Variants in SYNE3 observed in about 807,000 individuals in gnomAD.
SYNE3 encodes the protein spectrin repeat containing nuclear envelope family member 3.
SYNE3 carries 100 observed loss-of-function variants against 111.2 expected under a neutral mutation model. The observed-to-expected ratio is 0.90, with a 90% CI of 0.77 to 1.06. The LOEUF (loss-of-function observed/expected upper bound fraction) is 1.06, where lower values mean the gene tolerates loss of function less well. Among genes scored for constraint, SYNE3 ranks in the 50% least tolerant of loss-of-function variants. SYNE3 has a pLI of 0.00. For synonymous variants in SYNE3, 547 were observed against 533.9 expected (o/e 1.02, Z -0.34); for missense variants, 1,160 against 1,240.3 (o/e 0.94, Z 0.97).
intron 3 of SYNE3, among the ~76,000 whole-genome samples, chr14:95,467,308 C>T (rs1454401866): frequency 6.6e-6 from 1 of 152,202 alleles, no homozygotes; most frequent in African/African-American, 2.4e-5. Context: ...CACTTGATTA[C>T]TCCCATTGTC....
At chr14:95,431,417 A>T (rs1885753590) in intron 17 of SYNE3, among the ~76,000 whole-genome samples, 1 of 152,218 alleles carries the variant, frequency 6.6e-6, no homozygotes, top group Non-Finnish European at 1.5e-5. Flanking sequence ...GAGTTACAGG[A>T]GAGGCCCTAA....
Position 95,499,856 on chromosome 14 carries a change from C to CTTTTTTTTTTTTTTT in SYNE3, c.-15+16725_-15+16739dup, listed in dbSNP as rs10547044. Among the ~76,000 whole-genome samples, 82 of 90,066 alleles carry CTTTTTTTTTTTTTTT rather than the reference C, an allele frequency of 9.1e-4. 6 individuals are homozygous for CTTTTTTTTTTTTTTT. The highest frequency in any genetic ancestry group is 4.7e-3 in the East Asian group (12 of 2,554). 59.1% of individuals were successfully genotyped at this position (90,066 alleles called of 152,430 possible). A position where few individuals can be genotyped will look rare whatever the true frequency, so the allele number is the denominator to read the frequency against. ...AATCCCCTGTATCACTAACTCTTGT[C>CTTTTTTTTTTTTTTT]TTTTTTTTTTTTTTTTTTTTGAGAT... On this transcript the variant is annotated intron_variant, in intron 1 of 17. Coordinates refer to ENST00000682763, the MANE Select transcript of SYNE3 (RefSeq NM_152592.6).
intron 9 of SYNE3, among the ~76,000 whole-genome samples, chr14:95,445,379 T>G (rs1886652206): frequency 1.3e-5 from 2 of 152,196 alleles, no homozygotes; most frequent in South Asian, 4.1e-4. Flanking sequence ...GATCTGGAGC[T>G]CTTAGCAATG....
At chr14:95,507,244 C>T (rs1195854737) in intron 1 of SYNE3, among the ~76,000 whole-genome samples, 13 of 152,252 alleles carry the variant, frequency 8.5e-5, no homozygotes, top group Non-Finnish European at 1.9e-4. Flanking sequence ...CCACTGGACT[C>T]CTCCCACTGG....
intron 17 of SYNE3, among the ~76,000 whole-genome samples, chr14:95,419,921 GTGA>G (rs1885008004): frequency 2.8e-5 from 4 of 144,478 alleles, no homozygotes; most frequent in South Asian, 2.3e-4. Flanking sequence ...GATGGTGAGG[GTGA>G]TGATGGTGAT....
chr14:95,484,866 A>G (rs1889459194), intron 1 of SYNE3, among the ~76,000 whole-genome samples: 1 of 152,184 alleles, frequency 6.6e-6, no homozygotes, highest in African/African-American at 2.4e-5. Flanking sequence ...CAAAACCAAA[A>G]TCCTTTGAGG....
chr14:95,509,080 G>A (rs970964248), intron 1 of SYNE3, among the ~76,000 whole-genome samples: 3 of 152,220 alleles, frequency 2.0e-5, no homozygotes, highest in African/African-American at 7.2e-5. Flanking sequence ...CCCTCAAGGC[G>A]GGCACAGGCT....
chr14:95,498,688 T>G (rs975198006), intron 1 of SYNE3, among the ~76,000 whole-genome samples: 4 of 152,208 alleles, frequency 2.6e-5, no homozygotes, highest in Admixed American at 6.5e-5. Flanking sequence ...GGCAAGTGTA[T>G]TCACCTGTCT....
chr14:95,425,135 A>T (rs1885359167), intron 17 of SYNE3, among the ~76,000 whole-genome samples: 1 of 152,046 alleles, frequency 6.6e-6, no homozygotes, highest in African/African-American at 2.4e-5. Flanking sequence ...AATTCCAGCT[A>T]CTCAGGGGGC....
chr14:95,425,762 A>T (rs1885395701), intron 17 of SYNE3, among the ~76,000 whole-genome samples: 1 of 152,252 alleles, frequency 6.6e-6, no homozygotes, highest in African/African-American at 2.4e-5. Context: ...AAGCTGCTCA[A>T]AAACGAAAGT....
chr14:95,481,682 C>T (rs1472063920), intron 1 of SYNE3, among the ~76,000 whole-genome samples: 2 of 152,190 alleles, frequency 1.3e-5, no homozygotes, highest in Non-Finnish European at 2.9e-5. Flanking sequence ...TCCTGTGACC[C>T]AGGGCAGAGC....
At chr14:95,447,382 C>T (rs865813215) in intron 8 of SYNE3, among the ~76,000 whole-genome samples, 2 of 152,084 alleles carry the variant, frequency 1.3e-5, no homozygotes, top group Non-Finnish European at 1.5e-5. Flanking sequence ...GTGATCCGCC[C>T]ACCTCGGCCT....
At chr14:95,431,979 C>T in intron 17 of SYNE3, 100 bp downstream of exon 17, 1 of 1,381,850 alleles carries the variant, frequency 7.2e-7, no homozygotes, top group East Asian at 2.4e-5. Context: ...TTCCTGGAAC[C>T]TTCCAGAAAG....
At chr14:95,457,952 T>C (rs889127074) in intron 4 of SYNE3, among the ~76,000 whole-genome samples, 1 of 152,176 alleles carries the variant, frequency 6.6e-6, no homozygotes, top group Non-Finnish European at 1.5e-5. Flanking sequence ...TGCAAATCAA[T>C]GGCAAGCTGC....
Position 95,418,025 on chromosome 14 carries a change from G to A in SYNE3, c.2729C>T (p.Thr910Ile). The A allele has an allele frequency of 6.2e-7, 1 of 1,608,530 alleles. No homozygotes were observed. The highest frequency in any genetic ancestry group is 2.2e-5 in the East Asian group (1 of 44,886). The change falls in exon 18 of 18, where the codon ACT becomes ATT. Residue 910 changes from threonine to isoleucine, a missense_variant and splice_region_variant. Thr to Ile is a moderately conservative substitution (Grantham distance 89). Transcript: ENST00000682763. The stretch of plus-strand genomic sequence containing the variant: ...GGAGCCCAGTCCTCGCCACCGCCGA[G>A]TCTGCGGAACCAACACAGCACAGGT... ...SPGEPTGFQKTRRWRGLGSLF... is the reference protein window; with the variant it reads ...SPGEPTGFQKIRRWRGLGSLF...
intron 1 of SYNE3, among the ~76,000 whole-genome samples, chr14:95,498,924 C>T (rs1245238400): frequency 2.6e-5 from 4 of 152,222 alleles, no homozygotes; most frequent in South Asian, 2.1e-4. Context: ...AAATACCCTC[C>T]ACAGTTTTCA....
chr14:95,434,902 C>T (rs1885999106), intron 15 of SYNE3, among the ~76,000 whole-genome samples: 1 of 152,218 alleles, frequency 6.6e-6, no homozygotes, highest in Non-Finnish European at 1.5e-5. Flanking sequence ...GATCCACCCG[C>T]CTCAGCCTCC....
Position 95,417,699 on chromosome 14 carries a change from C to G in SYNE3, c.*127G>C, listed in dbSNP as rs1207148584. On this transcript the variant is annotated 3_prime_UTR_variant, in exon 18 of 18. Coordinates refer to ENST00000682763, the MANE Select transcript of SYNE3 (RefSeq NM_152592.6). ...GTCTTCTGGGAACGCTGACACAGCA[C>G]TGATATGGATGCAGCTCTGCAGTCT... The G allele has an allele frequency of 1.0e-6, 1 of 989,712 alleles. No individual in the cohort carries two copies. The highest frequency in any genetic ancestry group is 1.6e-6 in the Non-Finnish European group (1 of 622,864). The allele number at this position is 989,712 out of a possible 1,614,324, so 61.3% of individuals were successfully genotyped here. A position where few individuals can be genotyped will look rare whatever the true frequency, so the allele number is the denominator to read the frequency against.
chr14:95,444,936 C>G (rs764951729), intron 9 of SYNE3, among the ~76,000 whole-genome samples: 21 of 152,228 alleles, frequency 1.4e-4, no homozygotes, highest in Non-Finnish European at 2.9e-5. Flanking sequence ...AGGAACCCAG[C>G]CATGCCCATA....
Sources: allele counts gnomAD v4.1 joint callset (sites outside exome capture counted in the v4.1 genomes callset), GRCh38; gene constraint gnomAD v4.1.1; transcripts MANE v1.5; gene names NCBI Gene and HGNC (gene_info 2026-07-23, HGNC 2026-07-21).